PITPNC1: variants seen among roughly 807,000 people sequenced by gnomAD.
PITPNC1 encodes the protein phosphatidylinositol transfer protein cytoplasmic 1, also known as cytoplasmic phosphatidylinositol transfer protein 1.
A neutral mutation model predicts 44.7 loss-of-function variants in PITPNC1; 18 were observed. The observed-to-expected ratio is 0.40, with a 90% confidence interval of 0.28 to 0.60. The LOEUF is 0.60. PITPNC1 is among the 20% of genes least tolerant of loss of function. PITPNC1 has a pLI of 0.39. For missense variants in PITPNC1, 290 were observed against 418.4 expected (o/e 0.69, Z 2.68); for synonymous variants, 141 against 149.6 (o/e 0.94, Z 0.42).
chr17:67,544,645 C>T (rs1475685228), intron 2 of PITPNC1, among the ~76,000 whole-genome samples: 2 of 152,248 alleles, frequency 1.3e-5, no homozygotes, highest in Non-Finnish European at 2.9e-5. Context: ...GGCAATGTCT[C>T]CTGGCCTCTG....
chr17:67,555,055 C>A (rs1014897713), intron 4 of PITPNC1, among the ~76,000 whole-genome samples: 3 of 151,926 alleles, frequency 2.0e-5, no homozygotes, highest in Non-Finnish European at 2.9e-5. Context: ...TATAGTATTT[C>A]CCCCCGCAAT....
intron 6 of PITPNC1, among the ~76,000 whole-genome samples, chr17:67,655,756 A>C (rs2042259011): frequency 6.6e-6 from 1 of 152,168 alleles, no homozygotes; most frequent in East Asian, 1.9e-4. Flanking sequence ...CAACATAATG[A>C]GACCTCATTT....
At chr17:67,594,405 G>A (rs991609826) in intron 5 of PITPNC1, among the ~76,000 whole-genome samples, 2 of 152,136 alleles carry the variant, frequency 1.3e-5, no homozygotes, top group African/African-American at 4.8e-5. Flanking sequence ...AAGTTCTCAC[G>A]TTTCTGAAGT....
At position 67,377,863 on chromosome 17, in the gene PITPNC1, C is replaced by A; in HGVS notation, c.-292C>A. On this transcript the variant is annotated 5_prime_UTR_variant, in exon 1 of 9. Transcript: ENST00000581322. ...ACCACCCTGGGCAGCCGAGCAGAGT[C>A]GTCCCCAGCGGGTCTCCCTCCCTGC... 2.8e-6 allele frequency: 1 copy of A among 363,186 alleles called. No individual in the cohort carries two copies. 22.5% of individuals were successfully genotyped at this position (363,186 alleles called of 1,614,324 possible). A position where few individuals can be genotyped will look rare whatever the true frequency, so the allele number is the denominator to read the frequency against.
In PITPNC1 at chr17:67,542,974, G is replaced by C. The variant is rs530968820; in HGVS notation, c.198-9283G>C. On this transcript the variant is annotated intron_variant, in intron 2 of 8. Coordinates refer to ENST00000581322, the MANE Select transcript of PITPNC1 (RefSeq NM_012417.4). ...CATCTATCGACCACTGGTGTGCTTT[G>C]GCTGGTGGTTATGTTGTCTGTGGGG... Among the ~76,000 whole-genome samples the C allele has an allele frequency of 9.2e-5, 14 of 152,316 alleles. No individual in the cohort carries two copies. In the East Asian group the frequency reaches 1.9e-3, roughly 21 times the overall value.
At position 67,681,608 on chromosome 17, in the gene PITPNC1, C is replaced by CA. The variant is rs5821459; in HGVS notation, c.682+6092dup. Among the ~76,000 whole-genome samples, 141 of 36,412 alleles carry CA rather than the reference C, an allele frequency of 3.9e-3. 7 individuals carry two copies. Among genetic ancestry groups the CA allele is most frequent in the African/African-American group, 0.012 (109 of 9,312 alleles). The allele number at this position is 36,412 out of a possible 152,430, so 23.9% of individuals were successfully genotyped here. A position where few individuals can be genotyped will look rare whatever the true frequency, so the allele number is the denominator to read the frequency against. On this transcript the variant is annotated intron_variant, in intron 8 of 8. Coordinates refer to ENST00000581322, the MANE Select transcript of PITPNC1 (RefSeq NM_012417.4). ...TAGGTGACAGAGCAAAACCCTATCTCAAAAAAAAAAAAAAAAAAAAAAAAA... is the reference window on the plus strand; with the variant it reads ...TAGGTGACAGAGCAAAACCCTATCTCAAAAAAAAAAAAAAAAAAAAAAAAAA...
intron 1 of PITPNC1, among the ~76,000 whole-genome samples, chr17:67,381,048 C>G (rs981722305): frequency 3.9e-5 from 6 of 152,120 alleles, no homozygotes; most frequent in Non-Finnish European, 8.8e-5. Context: ...GCTGGGATTG[C>G]CGGGTGCGGT....
intron 8 of PITPNC1, among the ~76,000 whole-genome samples, chr17:67,690,593 AAGTAC>A (rs1186056988): frequency 2.6e-5 from 4 of 152,172 alleles, no homozygotes; most frequent in African/African-American, 7.2e-5. Flanking sequence ...TTCAACTGCT[AAGTAC>A]ATGGCAGTGG....
intron 2 of PITPNC1, among the ~76,000 whole-genome samples, chr17:67,535,933 A>C (rs2040522058): frequency 6.6e-6 from 1 of 152,230 alleles, no homozygotes; most frequent in African/African-American, 2.4e-5. Flanking sequence ...GGAAAGTTGG[A>C]ACTGAGAATA....
chr17:67,498,173 A>G (rs1352386845), intron 1 of PITPNC1, among the ~76,000 whole-genome samples: 1 of 152,082 alleles, frequency 6.6e-6, no homozygotes, highest in African/African-American at 2.4e-5. Flanking sequence ...CTTGGCCTCT[A>G]TCTTATGTTT....
chr17:67,618,438 G>T (rs926895614), intron 5 of PITPNC1, among the ~76,000 whole-genome samples: 4 of 149,922 alleles, frequency 2.7e-5, no homozygotes, highest in Non-Finnish European at 5.9e-5. Flanking sequence ...GTATTTGACT[G>T]CATTTTTCGA....
At chr17:67,624,513 T>C (rs1421628034) in intron 5 of PITPNC1, among the ~76,000 whole-genome samples, 2 of 151,308 alleles carry the variant, frequency 1.3e-5, no homozygotes, top group Admixed American at 6.6e-5. Flanking sequence ...TTCTTTTCTT[T>C]CTTTCTGTTT....
At chr17:67,470,876 T>G (rs2144001379) in intron 1 of PITPNC1, among the ~76,000 whole-genome samples, 1 of 137,376 alleles carries the variant, frequency 7.3e-6, no homozygotes, top group East Asian at 2.1e-4. Flanking sequence ...TCCTCTGCCT[T>G]GGGATCCTGT....
chr17:67,678,215 CT>C (rs1377333190), intron 8 of PITPNC1, among the ~76,000 whole-genome samples: 17 of 22,742 alleles, frequency 7.5e-4, no homozygotes, highest in South Asian at 1.5e-3. Context: ...GACCTCGTCT[CT>C]TTAAAAAAAA....
At chr17:67,530,819 A>G (rs1218142584) in intron 1 of PITPNC1, among the ~76,000 whole-genome samples, 1 of 152,226 alleles carries the variant, frequency 6.6e-6, no homozygotes, top group Non-Finnish European at 1.5e-5. Context: ...GAGCTCACAA[A>G]TCTGCAATGT....
At chr17:67,384,334 C>A (rs1289188609) in intron 1 of PITPNC1, among the ~76,000 whole-genome samples, 1 of 152,178 alleles carries the variant, frequency 6.6e-6, no homozygotes, top group Non-Finnish European at 1.5e-5. Flanking sequence ...TTTTCTTGCG[C>A]ACATTTCTGA....
chr17:67,381,675 C>T (rs1392600196), intron 1 of PITPNC1, among the ~76,000 whole-genome samples: 3 of 151,572 alleles, frequency 2.0e-5, no homozygotes, highest in Admixed American at 6.6e-5. Flanking sequence ...ACCGTGTTAG[C>T]CAGGATGGTC....
chr17:67,425,186 TGCGCGCGCACGCACAC>T (rs2038731921), intron 1 of PITPNC1, among the ~76,000 whole-genome samples: 2 of 55,724 alleles, frequency 3.6e-5, no homozygotes, highest in South Asian at 1.0e-3. Flanking sequence ...AGCCATGTTG[TGCGCGCGCACGCACAC>T]GCACACACAC....
At chr17:67,565,897 T>C (rs899250793) in intron 4 of PITPNC1, among the ~76,000 whole-genome samples, 18 of 152,114 alleles carry the variant, frequency 1.2e-4, no homozygotes, top group Non-Finnish European at 2.2e-4. Flanking sequence ...GTTTTCCATG[T>C]TTTTCAGTGT....
Sources: gnomAD v4.1 joint callset for allele counts (sites outside exome capture counted in the v4.1 genomes callset) on GRCh38, gnomAD v4.1.1 for gene constraint, MANE v1.5 for transcripts, NCBI Gene and HGNC (gene_info 2026-07-23, HGNC 2026-07-21) for gene names.